Variants in MYO16 observed in about 807,000 individuals in gnomAD.
MYO16 encodes unconventional myosin-XVI.
A neutral mutation model predicts 205.3 loss-of-function variants in MYO16; 94 were observed. That is an observed-to-expected ratio of 0.46 (90% CI 0.39 to 0.54). The LOEUF is 0.54. Ranked by LOEUF, MYO16 falls within the 20% of genes least tolerant of loss-of-function variation. MYO16 has a pLI of 0.00. For missense variants in MYO16, 2,315 were observed against 2,387.5 expected, an observed-to-expected ratio of 0.97 and a Z score of 0.63; for synonymous variants, 988 against 954.0, an observed-to-expected ratio of 1.04 and a Z score of -0.66.
the MYO16 span, among the ~76,000 whole-genome samples, chr13:108,530,027 C>T: frequency 1.3e-5 from 2 of 152,230 alleles, no homozygotes; most frequent in Non-Finnish European, 2.9e-5. Context: ...AAGCCTCCCA[C>T]CTGGACAGGT....
the MYO16 span, among the ~76,000 whole-genome samples, chr13:108,516,713 C>T: frequency 6.6e-6 from 1 of 152,134 alleles, no homozygotes; most frequent in Non-Finnish European, 1.5e-5. Context: ...GTTGTTTTGT[C>T]ACCTAAGTAC....
chr13:109,034,202 A>G (rs1433294484), intron 23 of MYO16, among the ~76,000 whole-genome samples: 1 of 152,180 alleles, frequency 6.6e-6, no homozygotes, highest in African/African-American at 2.4e-5. Flanking sequence ...GGAATTAGAG[A>G]TAATTTTTAA....
intron 23 of MYO16, among the ~76,000 whole-genome samples, chr13:109,039,135 A>G (rs1217993972): frequency 2.6e-5 from 4 of 152,210 alleles, no homozygotes; most frequent in African/African-American, 7.2e-5. Context: ...TTCTTCTTGC[A>G]TATCAGAGGA....
At chr13:108,516,323 C>T in the MYO16 span, among the ~76,000 whole-genome samples, 1 of 151,802 alleles carries the variant, frequency 6.6e-6, no homozygotes, top group East Asian at 2.0e-4. Context: ...AATGCCTCGC[C>T]CTGCTTCGGC....
At chr13:108,816,342 A>T (rs1312537365) in intron 7 of MYO16, among the ~76,000 whole-genome samples, 1 of 152,176 alleles carries the variant, frequency 6.6e-6, no homozygotes, top group Non-Finnish European at 1.5e-5. Flanking sequence ...TATATGTAAT[A>T]CTAAACTTGA....
At chr13:109,161,801 G>A (rs1376155039) in intron 32 of MYO16, among the ~76,000 whole-genome samples, 1 of 152,180 alleles carries the variant, frequency 6.6e-6, no homozygotes, top group African/African-American at 2.4e-5. Flanking sequence ...CCGTTTAAAA[G>A]CATGTCATGG....
At chr13:108,736,848 A>G (rs529234342) in intron 4 of MYO16, among the ~76,000 whole-genome samples, 19 of 152,178 alleles carry the variant, frequency 1.2e-4, no homozygotes, top group East Asian at 7.7e-4. Flanking sequence ...CCTTGAAGAG[A>G]TCCTTCACAT....
chr13:109,118,935 T>A (rs1875853636), intron 28 of MYO16, among the ~76,000 whole-genome samples: 1 of 152,102 alleles, frequency 6.6e-6, no homozygotes, highest in Non-Finnish European at 1.5e-5. Flanking sequence ...AAGAAGAACA[T>A]CTAGTCAACC....
At chr13:109,093,842 A>G (rs777687056) in intron 27 of MYO16, among the ~76,000 whole-genome samples, 21 of 151,762 alleles carry the variant, frequency 1.4e-4, no homozygotes, top group Non-Finnish European at 2.4e-4. Flanking sequence ...CTCCAGCCGC[A>G]CTCAGCCTCA....
At chr13:108,546,204 G>A in the MYO16 span, among the ~76,000 whole-genome samples, 8 of 152,162 alleles carry the variant, frequency 5.3e-5, no homozygotes, top group Non-Finnish European at 7.3e-5. Context: ...AGTGGCCTTG[G>A]ATGACTGGGG....
intron 4 of MYO16, among the ~76,000 whole-genome samples, chr13:108,754,435 T>A (rs1412050766): frequency 2.6e-5 from 4 of 152,202 alleles, no homozygotes; most frequent in African/African-American, 9.6e-5. Flanking sequence ...TTGACATACA[T>A]AGCTCTCTGA....
At chr13:109,130,645 G>A (rs1011104256) in intron 31 of MYO16, among the ~76,000 whole-genome samples, 3 of 152,290 alleles carry the variant, frequency 2.0e-5, no homozygotes, top group South Asian at 4.1e-4. Context: ...GATCGCAAAG[G>A]TAGCTCCACC....
rs191966444 is a variant in MYO16 at position 108,945,774 on chromosome 13, C to T, written c.1926-11914C>T. On this transcript the variant is annotated intron_variant, in intron 16 of 34. Transcript: ENST00000457511. ...AGTAGGTACAGCCTATATTTGAATA[C>T]GTTTTTGTGGTTGAAAAAAAATCTT... is the stretch of plus-strand genomic sequence containing the variant. Among the ~76,000 whole-genome samples, 336 of 152,128 alleles carry T rather than the reference C, an allele frequency of 2.2e-3. 1 individual carries two copies. Among genetic ancestry groups the T allele is most frequent in the Non-Finnish European group, 3.2e-3 (216 of 67,996 alleles).
At chr13:108,942,862 A>G (rs1464329037) in intron 16 of MYO16, among the ~76,000 whole-genome samples, 1 of 152,206 alleles carries the variant, frequency 6.6e-6, no homozygotes, top group Non-Finnish European at 1.5e-5. Flanking sequence ...GTCGATCTTT[A>G]TAAAGCTAAT....
chr13:109,195,094 T>G (rs977969753), intron 34 of MYO16, among the ~76,000 whole-genome samples: 1 of 152,082 alleles, frequency 6.6e-6, no homozygotes, highest in Non-Finnish European at 1.5e-5. Flanking sequence ...CAGTATAATG[T>G]TACTTATTAT....
the MYO16 span, among the ~76,000 whole-genome samples, chr13:108,546,981 T>C: frequency 6.6e-6 from 1 of 151,922 alleles, no homozygotes; most frequent in Non-Finnish European, 1.5e-5. Flanking sequence ...GCTCTAAGAA[T>C]AAAACTCAGG....
chr13:108,922,687 G>C (rs1179120055), intron 16 of MYO16, among the ~76,000 whole-genome samples: 2 of 152,214 alleles, frequency 1.3e-5, no homozygotes, highest in African/African-American at 2.4e-5. Context: ...GGGTGGTTTT[G>C]GAGTTGATGA....
chr13:108,733,334 C>T (rs1262210927), intron 4 of MYO16, among the ~76,000 whole-genome samples: 1 of 152,170 alleles, frequency 6.6e-6, no homozygotes, highest in African/African-American at 2.4e-5. Context: ...TTAGTAACTC[C>T]CTTGATTCTC....
intron 2 of MYO16, among the ~76,000 whole-genome samples, chr13:108,668,056 G>T (rs546389328): frequency 1.4e-4 from 21 of 152,216 alleles, no homozygotes; most frequent in Middle Eastern, 3.4e-3. Context: ...TTCTTTTAAT[G>T]TATTGGAAAT....
Sources: allele counts gnomAD v4.1 joint callset (sites outside exome capture counted in the v4.1 genomes callset), GRCh38; gene constraint gnomAD v4.1.1; transcripts MANE v1.5; gene names NCBI Gene and HGNC (gene_info 2026-07-23, HGNC 2026-07-21).